TG: variants seen among roughly 807,000 people sequenced by gnomAD.
TG encodes thyroid hormones.
Under a neutral mutation model 324.7 loss-of-function variants are expected in TG, and 270 were observed. That is an observed-to-expected ratio of 0.83 (90% CI 0.75 to 0.92). TG has a LOEUF of 0.92. TG is among the 40% of genes least tolerant of loss of function. The probability of loss-of-function intolerance (pLI) is 0.00; values close to 1 mark genes in which losing one functional copy is unlikely to be tolerated. For synonymous variants in TG, 1,401 were observed against 1,327.0 expected (o/e 1.06, Z -1.21); for missense variants, 3,591 against 3,456.4 (o/e 1.04, Z -0.98).
At chr8:132,968,511 C>T (rs1413831118) in intron 31 of TG, among the ~76,000 whole-genome samples, 1 of 152,096 alleles carries the variant, frequency 6.6e-6, no homozygotes, top group Admixed American at 6.5e-5. Context: ...TTTTTTTAAC[C>T]CCATACAGTC....
intron 43 of TG, among the ~76,000 whole-genome samples, 193 bp downstream of exon 43, chr8:133,096,566 C>T (rs115920152): frequency 3.4e-4 from 52 of 152,314 alleles, no homozygotes; most frequent in African/African-American, 1.1e-3. Flanking sequence ...GCAACACAGG[C>T]ACATCCACAA....
intron 8 of TG, among the ~76,000 whole-genome samples, chr8:132,883,627 T>G (rs957996978): frequency 6.6e-6 from 1 of 152,122 alleles, no homozygotes; most frequent in African/African-American, 2.4e-5. Flanking sequence ...AACAAAGGCT[T>G]GGGGGCTTCA....
rs752715398 is a variant in TG at position 132,948,846 on chromosome 8, C to G, written c.5304C>G (p.Pro1768=). ...LLCNVKDWMD[P]SEAWANATCP... ...GTAATGTCAAAGACTGGATGGATCC[C>G]TCTGAAGCCTGGGCTAATGCTACAT... Residue 1768 remains proline, a synonymous_variant, in exon 27 of 48, where the codon CCC becomes CCG. Coordinates refer to ENST00000220616, the MANE Select transcript of TG (RefSeq NM_003235.5). 2.2e-5 allele frequency: 36 copies of G among 1,614,102 alleles called. 1 individual carries two copies. In the South Asian group the frequency reaches 3.7e-4, roughly 17 times the overall value.
chr8:133,027,826 C>G (rs908686506), intron 40 of TG, among the ~76,000 whole-genome samples: 3 of 152,158 alleles, frequency 2.0e-5, no homozygotes, highest in Non-Finnish European at 4.4e-5. Context: ...CAAGCTCATT[C>G]CCTCTAAAGT....
intron 41 of TG, among the ~76,000 whole-genome samples, chr8:133,073,772 T>C (rs1165552926): frequency 6.6e-6 from 1 of 152,118 alleles, no homozygotes; most frequent in Non-Finnish European, 1.5e-5. Flanking sequence ...TTGTTCTCGC[T>C]GAGGCTCCCC....
intron 41 of TG, chr8:133,050,247 C>T: frequency 3.9e-6 from 2 of 511,640 alleles, no homozygotes; most frequent in Non-Finnish European, 7.1e-6. Flanking sequence ...CAGGGATTAG[C>T]AGCTAATGTT....
At chr8:132,954,201 A>G (rs1409493139) in intron 27 of TG, among the ~76,000 whole-genome samples, 1 of 152,108 alleles carries the variant, frequency 6.6e-6, no homozygotes, top group Non-Finnish European at 1.5e-5. Context: ...TTGCAATCAG[A>G]CGCATCTAGA....
At chr8:133,107,920 G>A (rs16904837) in intron 43 of TG, among the ~76,000 whole-genome samples, 2,839 of 151,818 alleles carry the variant, frequency 0.019, 83 homozygotes, top group African/African-American at 0.066. Flanking sequence ...AGGAGTTTCC[G>A]CAGAACCCAT....
At chr8:133,112,529 A>C (rs994052355) in intron 43 of TG, among the ~76,000 whole-genome samples, 14 of 151,496 alleles carry the variant, frequency 9.2e-5, no homozygotes, top group African/African-American at 3.4e-4. Context: ...GAGAGGGGGG[A>C]ATTTCAGAGA....
At position 133,133,454 on chromosome 8, in the gene TG, C is replaced by A; in HGVS notation, c.7998-16C>A. 1 of 1,613,166 alleles carries A rather than the reference C, an allele frequency of 6.2e-7. No homozygotes were observed. Among genetic ancestry groups the A allele is most frequent in the Non-Finnish European group, 8.5e-7 (1 of 1,179,108 alleles). ...AAATTTCCCTCATGGATATTTCTTT[C>A]TTCTCATTTGCCCAGAAATCCCAAC... On this transcript the variant is annotated splice_polypyrimidine_tract_variant and intron_variant, in intron 46 of 47. Transcript: ENST00000220616.
intron 35 of TG, among the ~76,000 whole-genome samples, chr8:133,011,367 A>G (rs1171248389): frequency 6.6e-6 from 1 of 151,728 alleles, no homozygotes; most frequent in Non-Finnish European, 1.5e-5. Context: ...CATCAGCTTA[A>G]CAACAGTTGG....
chr8:133,040,232 C>A, intron 41 of TG: 1 of 1,282,390 alleles, frequency 7.8e-7, no homozygotes. Context: ...CTGGCTGCTG[C>A]CATGGGGAAC....
chr8:132,875,344 A>G (rs1839859286), intron 5 of TG, among the ~76,000 whole-genome samples: 1 of 152,248 alleles, frequency 6.6e-6, no homozygotes, highest in African/African-American at 2.4e-5. Context: ...AGTGCTTACT[A>G]TATAATGGGA....
At chr8:132,868,001 C>A in intron 1 of TG, 114 bp from the exon 2 acceptor site, 2 of 900,410 alleles carry the variant, frequency 2.2e-6, no homozygotes, top group Non-Finnish European at 3.6e-6. Context: ...TTAAAATAGG[C>A]TGTCATAGGT....
chr8:133,028,127 G>T (rs1408068927), intron 40 of TG, among the ~76,000 whole-genome samples: 1 of 152,170 alleles, frequency 6.6e-6, no homozygotes, highest in South Asian at 2.1e-4. Context: ...CTGATACATG[G>T]GAAGGGAGAG....
chr8:132,882,378 G>A, intron 6 of TG, 91 bp from the exon 7 acceptor site: 2 of 1,447,846 alleles, frequency 1.4e-6, no homozygotes, highest in East Asian at 2.3e-5. Flanking sequence ...TGCTGGTGAA[G>A]GCTGTCTCTC....
chr8:133,036,974 TTTGAAATA>T (rs1837224843), intron 41 of TG: 1 of 152,290 alleles, frequency 6.6e-6, no homozygotes, highest in Admixed American at 6.5e-5. Flanking sequence ...GGCTGGTTCC[TTTGAAATA>T]GCCTTTTGGA....
chr8:132,969,585 C>T lies in TG; in HGVS notation c.5975+16C>T. On this transcript the variant is annotated intron_variant, in intron 32 of 47. Transcript: ENST00000220616. Reference sequence around the variant, plus strand: ...TTTCTAATGGGTAAGCTACTTGTGTCTCACCCCTAATGTTTATTATGAATA... The same window carrying T: ...TTTCTAATGGGTAAGCTACTTGTGTTTCACCCCTAATGTTTATTATGAATA... 2.0e-6 allele frequency: 3 copies of T among 1,469,538 alleles called. No homozygotes were observed. Among genetic ancestry groups the T allele is most frequent in the Non-Finnish European group, 2.9e-6 (3 of 1,048,570 alleles). 91.0% of individuals were successfully genotyped at this position (1,469,538 alleles called of 1,614,324 possible). A position where few individuals can be genotyped will look rare whatever the true frequency, so the allele number is the denominator to read the frequency against.
At chr8:133,065,378 T>C (rs1842901897) in intron 41 of TG, among the ~76,000 whole-genome samples, 1 of 152,252 alleles carries the variant, frequency 6.6e-6, no homozygotes, top group Non-Finnish European at 1.5e-5. Flanking sequence ...ACCTGTGCTC[T>C]AACTCGCCAC....
Sources: gnomAD v4.1 joint callset for allele counts (sites outside exome capture counted in the v4.1 genomes callset) on GRCh38, gnomAD v4.1.1 for gene constraint, MANE v1.5 for transcripts, NCBI Gene and HGNC (gene_info 2026-07-23, HGNC 2026-07-21) for gene names.